Variants in KIR2DL1 observed in about 807,000 individuals in gnomAD.
KIR2DL1 encodes killer cell immunoglobulin like receptor, two Ig domains and long cytoplasmic tail 1, also known as killer cell immunoglobulin-like receptor 2DL1.
In KIR2DL1, 38 loss-of-function variants were observed where a neutral mutation model predicts 33.9. The observed-to-expected ratio is 1.12, with a 90% CI of 0.86 to 1.47. KIR2DL1 has a LOEUF of 1.47. Among genes scored for constraint, KIR2DL1 ranks in the 40% most tolerant of loss-of-function variants. The pLI, the probability that KIR2DL1 is intolerant of heterozygous loss-of-function variation, is 0.00. For synonymous variants in KIR2DL1, 179 were observed against 165.9 expected (o/e 1.08, Z -0.61); for missense variants, 531 against 433.9 (o/e 1.22, Z -1.99).
rs59806400 is a variant in KIR2DL1, at chr19:54,775,983, C to A, written c.664+525C>A. 6.1e-3 allele frequency among the ~76,000 whole-genome samples: 896 copies of A among 146,716 alleles called. 1 individual carries two copies. Among genetic ancestry groups the A allele is most frequent in the African/African-American group, 0.021 (837 of 40,148 alleles). On this transcript the variant is annotated intron_variant, in intron 4 of 7. Transcript: ENST00000336077. ...CTCAGCTCACTGCAACCTCCGCCTC[C>A]TGGGTTCAAGCGATTCTCCTGCCTC...
intron 4 of KIR2DL1, among the ~76,000 whole-genome samples, chr19:54,777,852 GT>G (rs1422871202): frequency 6.8e-6 from 1 of 147,932 alleles, no homozygotes; most frequent in African/African-American, 2.5e-5. Flanking sequence ...TTTGTGTATG[GT>G]GACAGGTAGA....
At chr19:54,783,138 C>A in intron 6 of KIR2DL1, 115 bp downstream of exon 6, 1 of 1,247,796 alleles carries the variant, frequency 8.0e-7, no homozygotes, top group Non-Finnish European at 1.2e-6. Context: ...AGGCAGCAGC[C>A]ACAGAGGCAG....
rs769518701 is a variant in KIR2DL1 at position 54,782,952 on chromosome 19, G to C, written c.746G>C (p.Gly249Ala). The C allele has an allele frequency of 6.2e-7, 1 of 1,613,594 alleles. No individual in the cohort carries two copies. Among genetic ancestry groups the C allele is most frequent in the Non-Finnish European group, 8.5e-7 (1 of 1,179,848 alleles). The change falls in exon 6 of 8, where the codon GGG becomes GCG. Residue 249 changes from glycine (G) to alanine (A), a missense_variant. Transcript: ENST00000336077. ...CCCCGACACCTGCACATTCTGATTGGGACCTCAGTGGTCATCATCCTCTTC... is the reference window on the plus strand; with the variant it reads ...CCCCGACACCTGCACATTCTGATTGCGACCTCAGTGGTCATCATCCTCTTC... ...GNPRHLHILI[G>A]TSVVIILFIL...
intron 5 of KIR2DL1, among the ~76,000 whole-genome samples, chr19:54,781,619 T>A (rs641804): frequency 0.23 from 31,780 of 139,392 alleles, 1,678 homozygotes; most frequent in South Asian, 0.29. Flanking sequence ...GACAGGTGGT[T>A]TTGAAGCAAT....
intron 4 of KIR2DL1, among the ~76,000 whole-genome samples, chr19:54,777,016 G>T (rs1320591260): frequency 1.3e-5 from 2 of 151,574 alleles, no homozygotes; most frequent in Non-Finnish European, 2.9e-5. Context: ...TCCCAACAGG[G>T]TACCAGGGTT....
chr19:54,772,423 G>A lies in KIR2DL1; in HGVS notation c.71-910G>A, dbSNP rs372257074. ...ATTTTACCCACGACAAACAGGGTCCGATTTCTGTCTCCAGAATTGGAAGGG... is the reference window on the plus strand; with the variant it reads ...ATTTTACCCACGACAAACAGGGTCCAATTTCTGTCTCCAGAATTGGAAGGG... On this transcript the variant is annotated intron_variant, in intron 2 of 7. Coordinates refer to ENST00000336077, the MANE Select transcript of KIR2DL1 (RefSeq NM_014218.3). 2.7e-4 allele frequency among the ~76,000 whole-genome samples: 38 copies of A among 141,492 alleles called. 1 individual carries two copies. Among genetic ancestry groups the A allele is most frequent in the African/African-American group, 4.7e-4 (18 of 38,520 alleles). 92.8% of individuals were successfully genotyped at this position (141,492 alleles called of 152,430 possible). A position where few individuals can be genotyped will look rare whatever the true frequency, so the allele number is the denominator to read the frequency against.
At chr19:54,774,030 G>C (rs1162734702) in intron 3 of KIR2DL1, among the ~76,000 whole-genome samples, 2 of 148,658 alleles carry the variant, frequency 1.3e-5, no homozygotes, top group East Asian at 3.9e-4. Context: ...GACCTGAGTT[G>C]GGCCCTGTGG....
At chr19:54,777,394 A>T (rs1176248308) in intron 4 of KIR2DL1, among the ~76,000 whole-genome samples, 1 of 148,456 alleles carries the variant, frequency 6.7e-6, no homozygotes, top group Non-Finnish European at 1.5e-5. Flanking sequence ...CCCGGCCTAA[A>T]AGCCATTTTA....
chr19:54,780,634 A>G (rs1337989937), intron 5 of KIR2DL1, among the ~76,000 whole-genome samples: 4 of 143,540 alleles, frequency 2.8e-5, no homozygotes. Context: ...GGAAAAGGCA[A>G]TTGCCGCCCC....
rs1205352261 is a variant in KIR2DL1, at chr19:54,772,422, C to T, written c.71-911C>T. 3.4e-5 allele frequency among the ~76,000 whole-genome samples: 5 copies of T among 145,928 alleles called. 1 individual carries two copies. The highest frequency in any genetic ancestry group is 2.0e-4 in the East Asian group (1 of 5,116). The stretch of plus-strand genomic sequence containing the variant: ...GATTTTACCCACGACAAACAGGGTC[C>T]GATTTCTGTCTCCAGAATTGGAAGG... On this transcript the variant is annotated intron_variant, in intron 2 of 7. Coordinates refer to ENST00000336077, the MANE Select transcript of KIR2DL1 (RefSeq NM_014218.3).
Position 54,775,431 on chromosome 19 carries a change from A to G in KIR2DL1, c.637A>G (p.Ser213Gly). Residue 213 changes from serine (S) to glycine (G), a missense_variant, in exon 4 of 8, where the codon AGT becomes GGT. Physicochemically the swap from Ser to Gly is moderately conservative, Grantham distance 56. Transcript: ENST00000336077. ...HDSPYEWSKS[S>G]DPLLVSVTGN... The stretch of plus-strand genomic sequence containing the variant: ...CTCTCCATACGAGTGGTCAAAGTCA[A>G]GTGACCCACTGCTTGTTTCTGTCAC... 2 of 1,584,798 alleles carry G rather than the reference A, an allele frequency of 1.3e-6. No homozygotes were observed. The highest frequency in any genetic ancestry group is 8.6e-7 in the Non-Finnish European group (1 of 1,156,690).
intron 2 of KIR2DL1, 27 bp from the exon 3 acceptor site, chr19:54,773,306 T>G (rs1481595878): frequency 5.7e-6 from 9 of 1,581,000 alleles, no homozygotes; most frequent in African/African-American, 1.4e-5. Flanking sequence ...GAGAGACACC[T>G]TCTAAACTCA....
chr19:54,774,146 C>G (rs1041253689), intron 3 of KIR2DL1, among the ~76,000 whole-genome samples: 17 of 148,684 alleles, frequency 1.1e-4, no homozygotes, highest in Admixed American at 1.1e-3. Flanking sequence ...ACAACACCAA[C>G]CCCTGTATGC....
chr19:54,783,539 G>C lies in KIR2DL1; in HGVS notation c.870+1G>C, dbSNP rs1402855173. ...AGGAAACAGAACAGCGAATAGCGAG[G>C]TAGGTACTCCTCGGCCCGGGCTCGT... On this transcript the variant is annotated splice_donor_variant, in intron 7 of 7. Transcript: ENST00000336077. LOFTEE classifies it high-confidence loss of function. 6.2e-7 allele frequency: 1 copy of C among 1,613,854 alleles called. No individual in the cohort carries two copies. The highest frequency in any genetic ancestry group is 2.2e-5 in the East Asian group (1 of 44,886).
intron 2 of KIR2DL1, among the ~76,000 whole-genome samples, chr19:54,771,853 G>A (rs923586785): frequency 1.4e-5 from 2 of 147,782 alleles, no homozygotes; most frequent in Admixed American, 6.9e-5. Flanking sequence ...ACCCCAGTGG[G>A]TGGTCGGCAC....
At chr19:54,779,205 G>T (rs2147570798) in intron 5 of KIR2DL1, among the ~76,000 whole-genome samples, 1 of 147,918 alleles carries the variant, frequency 6.8e-6, no homozygotes, top group East Asian at 1.9e-4. Context: ...TTTTCCTATT[G>T]TTGCCATAAC....
chr19:54,781,375 C>G (rs1047436757), intron 5 of KIR2DL1, among the ~76,000 whole-genome samples: 2 of 150,218 alleles, frequency 1.3e-5, no homozygotes, highest in Non-Finnish European at 3.0e-5. Context: ...TGTGAAAGCC[C>G]GCTGAATCCT....
intron 4 of KIR2DL1, among the ~76,000 whole-genome samples, chr19:54,776,634 C>CTTTTTTT (rs113294942): frequency 7.8e-6 from 1 of 128,314 alleles, no homozygotes. Context: ...TGAAAGTTCT[C>CTTTTTTT]TTTTTTTTTT....
At chr19:54,774,628 G>C (rs4806445) in intron 3 of KIR2DL1, among the ~76,000 whole-genome samples, 20,045 of 108,132 alleles carry the variant, frequency 0.19, 1,937 homozygotes, top group South Asian at 0.31. Flanking sequence ...GATGAAGACA[G>C]ATAGATAGAT....
Sources: gnomAD v4.1 joint callset for allele counts (sites outside exome capture counted in the v4.1 genomes callset) on GRCh38, gnomAD v4.1.1 for gene constraint, MANE v1.5 for transcripts, NCBI Gene and HGNC (gene_info 2026-07-23, HGNC 2026-07-21) for gene names.